Variants in SMCO4 observed in about 807,000 individuals in gnomAD.
SMCO4 encodes the protein single-pass membrane and coiled-coil domain-containing protein 4.
Under a neutral mutation model 3.6 loss-of-function variants are expected in SMCO4, and 4 were observed. The observed-to-expected ratio is 1.11, with a 90% CI of 0.54 to 2.53. SMCO4 has a LOEUF of 2.53. Ranked by LOEUF, SMCO4 falls within the 30% of genes most tolerant of loss-of-function variation. The pLI is 0.02. For missense variants in SMCO4, 70 were observed against 80.8 expected (o/e 0.87, Z 0.51); for synonymous variants, 36 against 35.3 (o/e 1.02, Z -0.07).
At chr11:93,521,128 T>C (rs1949054285) in intron 1 of SMCO4, among the ~76,000 whole-genome samples, 1 of 152,260 alleles carries the variant, frequency 6.6e-6, no homozygotes, top group African/African-American at 2.4e-5. Context: ...CTGTTTTCTC[T>C]AACTGGCAAA....
At chr11:93,521,649 C>G (rs1017904515) in intron 1 of SMCO4, among the ~76,000 whole-genome samples, 4 of 152,194 alleles carry the variant, frequency 2.6e-5, no homozygotes, top group African/African-American at 9.7e-5. Context: ...GGTAAGAATA[C>G]CTGTCATTTC....
intron 1 of SMCO4, among the ~76,000 whole-genome samples, chr11:93,505,140 T>C (rs7120161): frequency 0.011 from 1,740 of 152,340 alleles, 19 homozygotes; most frequent in African/African-American, 0.039. Context: ...TTTACTGATC[T>C]TCAGCAGTCT....
chr11:93,521,825 G>A (rs1224612400), intron 1 of SMCO4, among the ~76,000 whole-genome samples: 9 of 152,130 alleles, frequency 5.9e-5, no homozygotes, highest in Non-Finnish European at 1.2e-4. Flanking sequence ...CATCCCTGCC[G>A]CCAAGGACTT....
At chr11:93,483,614 G>C (rs1948616403) in intron 2 of SMCO4, among the ~76,000 whole-genome samples, 2 of 152,172 alleles carry the variant, frequency 1.3e-5, no homozygotes, top group Admixed American at 1.3e-4. Context: ...CTCTACACAG[G>C]TTCCTGTCCT....
In SMCO4 at chr11:93,514,421, T is replaced by TATATATATATAA. The variant is rs1271205813; in HGVS notation, c.-153-15074_-153-15073insTTATATATATAT. Among the ~76,000 whole-genome samples, 18 of 53,420 alleles carry TATATATATATAA rather than the reference T, an allele frequency of 3.4e-4. 1 individual carries two copies. Among genetic ancestry groups the TATATATATATAA allele is most frequent in the African/African-American group, 9.3e-4 (13 of 13,940 alleles). The allele number at this position is 53,420 out of a possible 152,430, so 35.0% of individuals were successfully genotyped here. ...ATATATATATATATATATATATATA[T>TATATATATATAA]AAAATTTGGTCTCTTCCAAAGATCA... On this transcript the variant is annotated intron_variant, in intron 1 of 2. Coordinates refer to ENST00000298966, the MANE Select transcript of SMCO4 (RefSeq NM_020179.3).
intron 1 of SMCO4, among the ~76,000 whole-genome samples, chr11:93,529,048 CA>C (rs1949138915): frequency 6.6e-6 from 1 of 152,156 alleles, no homozygotes; most frequent in Admixed American, 6.6e-5. Context: ...CACTCGTGGG[CA>C]AGGCCTTTCT....
At chr11:93,520,068 CA>C (rs1949043822) in intron 1 of SMCO4, among the ~76,000 whole-genome samples, 1 of 152,200 alleles carries the variant, frequency 6.6e-6, no homozygotes, top group African/African-American at 2.4e-5. Flanking sequence ...AAAGGGGACT[CA>C]AACCCTTGCA....
intron 2 of SMCO4, among the ~76,000 whole-genome samples, chr11:93,495,952 A>C (rs1435962952): frequency 1.3e-5 from 2 of 152,162 alleles, no homozygotes; most frequent in African/African-American, 4.8e-5. Context: ...GAAGGGGAGA[A>C]TGTCTCACAA....
the SMCO4 span, among the ~76,000 whole-genome samples, chr11:93,552,998 C>A: frequency 6.6e-6 from 1 of 152,158 alleles, no homozygotes; most frequent in African/African-American, 2.4e-5. Context: ...TCAACAGTGA[C>A]CAGAACGTCA....
At position 93,479,234 on chromosome 11, in the gene SMCO4, G is replaced by A; in HGVS notation, c.-45C>T. On this transcript the variant is annotated 5_prime_UTR_variant, in exon 3 of 3. Transcript: ENST00000298966. ...GAGGGTGTGTCCAGAGGGATTCCAG[G>A]AAGGGCCACACTCCTCTTGCCAAGG... 1 of 1,591,674 alleles carries A rather than the reference G, an allele frequency of 6.3e-7. No individual in the cohort carries two copies. Among genetic ancestry groups the A allele is most frequent in the Non-Finnish European group, 8.6e-7 (1 of 1,166,566 alleles).
intron 1 of SMCO4, among the ~76,000 whole-genome samples, chr11:93,510,229 G>A (rs1948945129): frequency 6.6e-6 from 1 of 152,200 alleles, no homozygotes; most frequent in African/African-American, 2.4e-5. Context: ...TGACCGCAGG[G>A]CCAAAGTGGG....
chr11:93,522,241 T>C (rs900341727), intron 1 of SMCO4, among the ~76,000 whole-genome samples: 36 of 152,330 alleles, frequency 2.4e-4, no homozygotes, highest in African/African-American at 8.2e-4. Flanking sequence ...GTATAAAAAG[T>C]GGACTCCTGC....
At chr11:93,532,112 G>A (rs1949168440) in intron 1 of SMCO4, among the ~76,000 whole-genome samples, 1 of 152,080 alleles carries the variant, frequency 6.6e-6, no homozygotes, top group Non-Finnish European at 1.5e-5. Context: ...CATGTCACAG[G>A]CGCATGTCAA....
intron 1 of SMCO4, among the ~76,000 whole-genome samples, chr11:93,525,678 C>T (rs3793999): frequency 0.15 from 22,549 of 152,116 alleles, 1,749 homozygotes; most frequent in Non-Finnish European, 0.17. Context: ...TGGGCAAACG[C>T]GACCAACAGG....
In SMCO4 at chr11:93,522,446, G is replaced by A. The variant is rs564461430; in HGVS notation, c.-154+20830C>T. On this transcript the variant is annotated intron_variant, in intron 1 of 2. Transcript: ENST00000298966. ...GGAGACAAGTCTGGTCATGTGGCAC[G>A]ACCAGTTTACGCAACACAAGACCTG... Among the ~76,000 whole-genome samples the A allele has an allele frequency of 1.1e-3, 170 of 152,318 alleles. 1 individual carries two copies. Among genetic ancestry groups the A allele is most frequent in the Non-Finnish European group, 1.5e-3 (105 of 68,032 alleles).
intron 2 of SMCO4, among the ~76,000 whole-genome samples, chr11:93,494,345 A>G (rs548446813): frequency 6.6e-6 from 1 of 152,348 alleles, no homozygotes; most frequent in East Asian, 1.9e-4. Context: ...GCATCACTTC[A>G]GAGTGCAGGG....
At chr11:93,545,524 GTT>G (rs1255428652), upstream of SMCO4, among the ~76,000 whole-genome samples, 1 of 143,924 alleles carries the variant, frequency 6.9e-6, no homozygotes, top group Non-Finnish European at 1.5e-5. Context: ...GAAGGCGGAG[GTT>G]GTAGTGAGCT....
At chr11:93,511,312 G>A (rs1348727263) in intron 1 of SMCO4, among the ~76,000 whole-genome samples, 2 of 152,150 alleles carry the variant, frequency 1.3e-5, no homozygotes, top group East Asian at 3.9e-4. Flanking sequence ...TTCCCTGACT[G>A]TCATGCCAGA....
At chr11:93,538,569 C>T (rs894533364) in intron 1 of SMCO4, among the ~76,000 whole-genome samples, 1 of 152,210 alleles carries the variant, frequency 6.6e-6, no homozygotes, top group Admixed American at 6.5e-5. Flanking sequence ...AGGGAAGGCC[C>T]TTTCGGACTG....
Sources: gnomAD v4.1 joint callset for allele counts (sites outside exome capture counted in the v4.1 genomes callset) on GRCh38, gnomAD v4.1.1 for gene constraint, MANE v1.5 for transcripts, NCBI Gene and HGNC (gene_info 2026-07-23, HGNC 2026-07-21) for gene names.